Variants in MACROD2 observed in about 807,000 individuals in gnomAD.
MACROD2 encodes ADP-ribose glycohydrolase MACROD2.
A neutral mutation model predicts 70.4 loss-of-function variants in MACROD2; 36 were observed. That is an observed-to-expected ratio of 0.51 (90% CI 0.39 to 0.68). The LOEUF (loss-of-function observed/expected upper bound fraction) is 0.68, where lower values mean the gene tolerates loss of function less well. Among genes scored for constraint, MACROD2 ranks in the 30% least tolerant of loss-of-function variants. The probability of loss-of-function intolerance (pLI) is 0.00; values close to 1 mark genes in which losing one functional copy is unlikely to be tolerated. For missense variants in MACROD2, 496 were observed against 538.4 expected, an observed-to-expected ratio of 0.92 and a Z score of 0.78; for synonymous variants, 172 against 178.8, an observed-to-expected ratio of 0.96 and a Z score of 0.30.
At chr20:15,422,208 G>A (rs1324909143) in intron 6 of MACROD2, among the ~76,000 whole-genome samples, 2 of 152,134 alleles carry the variant, frequency 1.3e-5, no homozygotes, top group African/African-American at 2.4e-5. Context: ...TTGAGTTGAG[G>A]AAGAGGACAT....
chr20:14,649,164 T>G (rs1247137672), intron 4 of MACROD2, among the ~76,000 whole-genome samples: 3 of 152,094 alleles, frequency 2.0e-5, no homozygotes, highest in Non-Finnish European at 4.4e-5. Context: ...ATGGACAAAA[T>G]AAAAGAAATA....
At chr20:14,608,847 C>T (rs532278515) in intron 4 of MACROD2, among the ~76,000 whole-genome samples, 1 of 152,038 alleles carries the variant, frequency 6.6e-6, no homozygotes, top group Admixed American at 6.6e-5. Context: ...GAAAATTTCT[C>T]TAAGGAGGTA....
chr20:14,762,607 A>G (rs879943646), intron 5 of MACROD2, among the ~76,000 whole-genome samples: 25 of 152,066 alleles, frequency 1.6e-4, no homozygotes, highest in Non-Finnish European at 2.9e-4. Context: ...TGCTTTGCCT[A>G]TGTCAGTGTG....
intron 3 of MACROD2, chr20:14,325,565 G>A (rs747707820): frequency 6.2e-7 from 1 of 1,609,452 alleles, no homozygotes; most frequent in Non-Finnish European, 8.5e-7. Context: ...CATCATGAGT[G>A]TGAGTGATCT....
chr20:14,314,413 G>A (rs2082594967), intron 3 of MACROD2, among the ~76,000 whole-genome samples: 1 of 152,170 alleles, frequency 6.6e-6, no homozygotes, highest in Non-Finnish European at 1.5e-5. Context: ...ATATTGAAGT[G>A]TCGGTTGTAT....
At position 15,988,537 on chromosome 20, in the gene MACROD2, T is replaced by C. The variant is rs557101199; in HGVS notation, c.1153+1379T>C. ...AAAGCTGGCATTCGGCACATTGACA[T>C]GTTTCCCTTCTCCCAGAGCCTTCCC... On this transcript the variant is annotated intron_variant, in intron 15 of 17. Coordinates refer to ENST00000684519, the MANE Select transcript of MACROD2 (RefSeq NM_001351661.2). Among the ~76,000 whole-genome samples the C allele has an allele frequency of 1.2e-4, 19 of 152,268 alleles. No individual in the cohort carries two copies. The East Asian group carries it at 3.5e-3, about 28-fold the overall frequency.
intron 8 of MACROD2, among the ~76,000 whole-genome samples, chr20:15,694,812 T>G (rs997862504): frequency 9.9e-5 from 15 of 152,114 alleles, no homozygotes; most frequent in African/African-American, 3.6e-4. Context: ...TCTAGAAGAG[T>G]TTTTCCAATG....
chr20:14,993,893 C>G (rs1055641710), intron 5 of MACROD2, among the ~76,000 whole-genome samples: 1 of 152,130 alleles, frequency 6.6e-6, no homozygotes, highest in Non-Finnish European at 1.5e-5. Flanking sequence ...ATCCAGCATA[C>G]ACTTAAGAGA....
chr20:14,250,809 T>G (rs968112368), intron 3 of MACROD2, among the ~76,000 whole-genome samples: 1 of 152,026 alleles, frequency 6.6e-6, no homozygotes, highest in Non-Finnish European at 1.5e-5. Flanking sequence ...AAGAATTATT[T>G]GAATCTGAAA....
At chr20:15,465,725 G>C (rs780831264) in intron 7 of MACROD2, among the ~76,000 whole-genome samples, 3 of 152,164 alleles carry the variant, frequency 2.0e-5, no homozygotes. Flanking sequence ...CAAGAGTGAC[G>C]GTCATTTCAT....
chr20:15,230,674 T>C (rs1259773397), intron 6 of MACROD2, among the ~76,000 whole-genome samples: 2 of 151,918 alleles, frequency 1.3e-5, no homozygotes, highest in Non-Finnish European at 1.5e-5. Context: ...ACAAAGGGAG[T>C]TCAGAAAATG....
rs71335969 is a variant in MACROD2, at chr20:14,486,513, C to CTTTTTTTTTTT, written c.272-6961_272-6960insTTTTTTTTTTT. Among the ~76,000 whole-genome samples, 5 of 97,064 alleles carry CTTTTTTTTTTT rather than the reference C, an allele frequency of 5.2e-5. 1 individual carries two copies. Among genetic ancestry groups the CTTTTTTTTTTT allele is most frequent in the African/African-American group, 8.0e-5 (2 of 25,060 alleles). 63.7% of individuals were successfully genotyped at this position (97,064 alleles called of 152,430 possible). A position where few individuals can be genotyped will look rare whatever the true frequency, so the allele number is the denominator to read the frequency against. ...GAGCTATCTGGCATAAAATAGCCAA[C>CTTTTTTTTTTT]TTTTTATTTTATTTTTTTTTTTTGA... On this transcript the variant is annotated intron_variant, in intron 3 of 17. Transcript: ENST00000684519.
intron 4 of MACROD2, among the ~76,000 whole-genome samples, chr20:14,513,553 T>G (rs1177561402): frequency 6.6e-6 from 1 of 152,054 alleles, no homozygotes; most frequent in Admixed American, 6.6e-5. Flanking sequence ...TTATAATAAA[T>G]CTACAAATTA....
At chr20:14,335,227 G>T (rs764968409) in intron 3 of MACROD2, among the ~76,000 whole-genome samples, 3 of 152,192 alleles carry the variant, frequency 2.0e-5, no homozygotes, top group African/African-American at 7.2e-5. Context: ...TTCATCTAGA[G>T]AGACTGAGTG....
chr20:14,521,312 C>T (rs1224180934), intron 4 of MACROD2, among the ~76,000 whole-genome samples: 1 of 152,132 alleles, frequency 6.6e-6, no homozygotes, highest in Non-Finnish European at 1.5e-5. Flanking sequence ...TCACAGTCTC[C>T]AGTATTTGAA....
intron 5 of MACROD2, among the ~76,000 whole-genome samples, chr20:14,776,677 C>T (rs940765874): frequency 2.6e-5 from 4 of 151,962 alleles, no homozygotes; most frequent in African/African-American, 9.7e-5. Flanking sequence ...AATATATTTT[C>T]ATAATATTTC....
At chr20:15,021,691 G>T (rs1358245646) in intron 5 of MACROD2, 1 of 152,024 alleles carries the variant, frequency 6.6e-6, no homozygotes, top group African/African-American at 2.4e-5. Context: ...AAGTTGCCAG[G>T]CATTGGGCAG....
In MACROD2 at chr20:14,254,456, A is replaced by G. The variant is rs896264306; in HGVS notation, c.271+168728A>G. Among the ~76,000 whole-genome samples the G allele has an allele frequency of 2.6e-5, 4 of 152,100 alleles. No homozygotes were observed. In the South Asian group the frequency reaches 8.3e-4, roughly 32 times the overall value. Reference sequence around the variant, plus strand: ...TAAAATTAAGATACAAATAGGGCCTAGTTTTCCATATATGTTAAAATATTT... The same window carrying G: ...TAAAATTAAGATACAAATAGGGCCTGGTTTTCCATATATGTTAAAATATTT... On this transcript the variant is annotated intron_variant, in intron 3 of 17. Transcript: ENST00000684519.
chr20:15,942,349 T>A lies in MACROD2; in HGVS notation c.907+4805T>A, dbSNP rs190396280. ...GAGATACTAGCAGGAAGAATGCTGA[T>A]GAATAATTCATCCGGAATGCATGCC... On this transcript the variant is annotated intron_variant, in intron 12 of 17. Transcript: ENST00000684519. Among the ~76,000 whole-genome samples the A allele has an allele frequency of 6.4e-4, 97 of 152,288 alleles. No individual in the cohort carries two copies. In the East Asian group the frequency reaches 0.017, roughly 26 times the overall value.
Sources: allele counts gnomAD v4.1 joint callset (sites outside exome capture counted in the v4.1 genomes callset), GRCh38; gene constraint gnomAD v4.1.1; transcripts MANE v1.5; gene names NCBI Gene and HGNC (gene_info 2026-07-23, HGNC 2026-07-21).